Variants in TSPAN7 observed in about 807,000 individuals in gnomAD.
TSPAN7 encodes tetraspanin 7, also known as tetraspanin-7.
Under a neutral mutation model 17.6 loss-of-function variants are expected in TSPAN7, and 1 was observed. That is an observed-to-expected ratio of 0.06 (90% CI 0.02 to 0.27). The LOEUF (loss-of-function observed/expected upper bound fraction) is 0.27, where lower values mean the gene tolerates loss of function less well. TSPAN7 is among the 10% of genes least tolerant of loss of function. The pLI is 1.00. For missense variants in TSPAN7, 112 were observed against 201.7 expected (o/e 0.56, Z 2.69); for synonymous variants, 78 against 79.0 (o/e 0.99, Z 0.07).
At chrX:38,564,831 A>G (rs1211052473) in intron 1 of TSPAN7, among the ~76,000 whole-genome samples, 1 of 111,465 alleles carries the variant, frequency 9.0e-6, no homozygotes, top group Non-Finnish European at 1.9e-5. Flanking sequence ...GGGTTTTTTT[A>G]TATTAAGTAG....
chrX:38,651,050 C>T (rs865902242), intron 1 of TSPAN7, among the ~76,000 whole-genome samples: 7 of 98,136 alleles, frequency 7.1e-5, no homozygotes, highest in African/African-American at 1.5e-4. Context: ...AATGTGATTA[C>T]ATATATATAT....
chrX:38,606,201 C>A (rs990813996), intron 1 of TSPAN7, among the ~76,000 whole-genome samples: 1 of 107,247 alleles, frequency 9.3e-6, no homozygotes, highest in Non-Finnish European at 1.9e-5. Context: ...CAATGAACTC[C>A]AACAAATTTA....
intron 1 of TSPAN7, among the ~76,000 whole-genome samples, chrX:38,595,596 A>G (rs2069315359): frequency 8.9e-6 from 1 of 112,191 alleles, no homozygotes; most frequent in African/African-American, 3.2e-5. Flanking sequence ...CTTAATTGCA[A>G]CTGGTACCAT....
chrX:38,605,470 A>C (rs1194347759), intron 1 of TSPAN7, among the ~76,000 whole-genome samples: 1 of 110,774 alleles, frequency 9.0e-6, no homozygotes, highest in Non-Finnish European at 1.9e-5. Flanking sequence ...AATATCGTGA[A>C]AATGGCCATA....
At chrX:38,668,860 A>C (rs780605334) in intron 2 of TSPAN7, among the ~76,000 whole-genome samples, 1 of 111,605 alleles carries the variant, frequency 9.0e-6, no homozygotes, top group Non-Finnish European at 1.9e-5. Flanking sequence ...TCTGTTATCC[A>C]TAGTGGTTGT....
intron 1 of TSPAN7, chrX:38,563,167 A>G (rs754125768): frequency 1.1e-6 from 1 of 941,877 alleles, no homozygotes; most frequent in Non-Finnish European, 1.4e-6. Flanking sequence ...CACACATACC[A>G]GGAGCTCTGC....
At chrX:38,601,991 C>T (rs2069349549) in intron 1 of TSPAN7, among the ~76,000 whole-genome samples, 1 of 111,680 alleles carries the variant, frequency 9.0e-6, no homozygotes, top group Admixed American at 9.5e-5. Flanking sequence ...TCTCACTGAC[C>T]AAAGCAAGTC....
At chrX:38,681,415 A>AT (rs2069890665) in intron 6 of TSPAN7, 128 bp downstream of exon 6, 1 of 570,595 alleles carries the variant, frequency 1.8e-6, no homozygotes, top group African/African-American at 2.2e-5. Flanking sequence ...CTCCTTGCTC[A>AT]TTAGTCCTCA....
chrX:38,645,608 G>A (rs2069640214), intron 1 of TSPAN7, among the ~76,000 whole-genome samples: 1 of 111,573 alleles, frequency 9.0e-6, no homozygotes, highest in African/African-American at 3.3e-5. Flanking sequence ...AGTGAGCATA[G>A]GAGGGGCTGT....
chrX:38,608,658 C>A (rs1372583678), intron 1 of TSPAN7, among the ~76,000 whole-genome samples: 1 of 110,449 alleles, frequency 9.1e-6, no homozygotes, highest in Non-Finnish European at 1.9e-5. Context: ...CTATTTTATT[C>A]ATTTTATTGT....
At chrX:38,585,693 G>A (rs1288714898) in intron 1 of TSPAN7, among the ~76,000 whole-genome samples, 1 of 111,779 alleles carries the variant, frequency 8.9e-6, no homozygotes, top group Non-Finnish European at 1.9e-5. Context: ...GTAGTGGGAG[G>A]TGTTTCGATC....
rs181490100 is a variant in TSPAN7 at position 38,681,807 on chromosome X, T to C, written c.681+520T>C. Among the ~76,000 whole-genome samples the C allele has an allele frequency of 2.7e-5, 3 of 112,232 alleles. No individual in the cohort carries two copies. In the East Asian group the frequency reaches 8.3e-4, roughly 31 times the overall value. On this transcript the variant is annotated intron_variant, in intron 6 of 7. Coordinates refer to ENST00000378482, the MANE Select transcript of TSPAN7 (RefSeq NM_004615.4). Reference sequence around the variant, plus strand: ...GTTTGACTATTCTTATGTGGTTTCTTAAGAGGAAATCAAATTTTGTGTATT... The same window carrying C: ...GTTTGACTATTCTTATGTGGTTTCTCAAGAGGAAATCAAATTTTGTGTATT...
intron 1 of TSPAN7, among the ~76,000 whole-genome samples, chrX:38,635,452 A>G: frequency 9.0e-6 from 1 of 111,254 alleles, no homozygotes; most frequent in Admixed American, 9.6e-5. Context: ...TCATAAAGGG[A>G]TCTTCTATAC....
At chrX:38,595,215 A>G (rs111827412) in intron 1 of TSPAN7, among the ~76,000 whole-genome samples, 6,517 of 111,327 alleles carry the variant, frequency 0.059, 401 homozygotes, top group African/African-American at 0.19. Context: ...TCAGAAAATA[A>G]CAACTTTTCT....
At position 38,666,316 on chromosome X, in the gene TSPAN7, A is replaced by G. The variant is rs774995738; in HGVS notation, c.270+7A>G. 6.7e-5 allele frequency: 81 copies of G among 1,203,169 alleles called. No homozygotes were observed. Among genetic ancestry groups the G allele is most frequent in the Non-Finnish European group, 8.9e-5 (79 of 887,564 alleles). ...CCCATGGATGCTGAAACTGGTGAGT[A>G]TGTCACAACATAATACTGCTTTCTC... is the stretch of plus-strand genomic sequence containing the variant. On this transcript the variant is annotated splice_region_variant and intron_variant, in intron 2 of 7. Transcript: ENST00000378482.
At chrX:38,673,402 C>G (rs1234938365) in intron 3 of TSPAN7, among the ~76,000 whole-genome samples, 1 of 94,057 alleles carries the variant, frequency 1.1e-5, no homozygotes, top group African/African-American at 4.1e-5. Flanking sequence ...GAGCCTTGCT[C>G]TGTTGCCAAG....
At chrX:38,611,670 A>T (rs988503227) in intron 1 of TSPAN7, among the ~76,000 whole-genome samples, 1 of 112,167 alleles carries the variant, frequency 8.9e-6, no homozygotes, top group Non-Finnish European at 1.9e-5. Context: ...GTTATGGGGA[A>T]CAACAGAGAC....
intron 6 of TSPAN7, 118 bp downstream of exon 6, chrX:38,681,405 C>T (rs1323461664): frequency 1.6e-6 from 1 of 614,966 alleles, no homozygotes; most frequent in Non-Finnish European, 2.8e-6. Flanking sequence ...GGGGTCAAAG[C>T]TCCTTGCTCA....
At chrX:38,679,524 G>T (rs754247498) in intron 5 of TSPAN7, among the ~76,000 whole-genome samples, 2 of 111,365 alleles carry the variant, frequency 1.8e-5, no homozygotes, top group Non-Finnish European at 3.8e-5. Flanking sequence ...GTGAGGCTGG[G>T]CACGGTGGCT....
Sources: allele counts gnomAD v4.1 joint callset (sites outside exome capture counted in the v4.1 genomes callset), GRCh38; gene constraint gnomAD v4.1.1; transcripts MANE v1.5; gene names NCBI Gene and HGNC (gene_info 2026-07-23, HGNC 2026-07-21).